SPOPL: variants seen among roughly 807,000 people sequenced by gnomAD.
The protein encoded by SPOPL is speckle-type POZ protein-like.
SPOPL carries 23 observed loss-of-function variants against 53.8 expected under a neutral mutation model. The observed-to-expected ratio is 0.43, with a 90% CI of 0.31 to 0.61. SPOPL has a LOEUF of 0.61. SPOPL is among the 20% of genes least tolerant of loss of function. SPOPL has a pLI of 0.12. For missense variants in SPOPL, 442 were observed against 466.9 expected, an observed-to-expected ratio of 0.95 and a Z score of 0.49; for synonymous variants, 164 against 149.7, an observed-to-expected ratio of 1.10 and a Z score of -0.70.
chr2:138,511,841 A>C (rs1281285406), intron 1 of SPOPL, among the ~76,000 whole-genome samples: 2 of 152,162 alleles, frequency 1.3e-5, no homozygotes, highest in African/African-American at 4.8e-5. Flanking sequence ...CAGGCATCAG[A>C]GCATAGAGAC....
intron 1 of SPOPL, among the ~76,000 whole-genome samples, chr2:138,503,308 C>T (rs568105362): frequency 6.6e-6 from 1 of 152,178 alleles, no homozygotes; most frequent in Non-Finnish European, 1.5e-5. Flanking sequence ...CCTCAGTATA[C>T]TTACAGCTGT....
intron 1 of SPOPL, among the ~76,000 whole-genome samples, chr2:138,545,913 T>A (rs139083932): frequency 0.011 from 1,658 of 152,328 alleles, 34 homozygotes; most frequent in African/African-American, 0.038. Context: ...TATAGTTTAG[T>A]GATTCATAGA....
chr2:138,509,751 A>G (rs1227839760), intron 1 of SPOPL, among the ~76,000 whole-genome samples: 1 of 152,108 alleles, frequency 6.6e-6, no homozygotes, highest in East Asian at 1.9e-4. Flanking sequence ...AAACTGATGA[A>G]TCTGCATTGA....
chr2:138,569,257 T>A lies in SPOPL; in HGVS notation c.*177T>A. On this transcript the variant is annotated 3_prime_UTR_variant, in exon 11 of 11. Transcript: ENST00000280098. ...TAATTTATGGTTTATTCTTCAGCTTTAAATTAGACTGATTAATTCACTTCA... is the reference window on the plus strand; with the variant it reads ...TAATTTATGGTTTATTCTTCAGCTTAAAATTAGACTGATTAATTCACTTCA... 3.1e-6 allele frequency: 2 copies of A among 645,794 alleles called. No individual in the cohort carries two copies. The highest frequency in any genetic ancestry group is 5.3e-6 in the Non-Finnish European group (2 of 379,764). 40.0% of individuals were successfully genotyped at this position (645,794 alleles called of 1,614,324 possible).
At chr2:138,529,540 G>GCA (rs1684760308) in intron 1 of SPOPL, among the ~76,000 whole-genome samples, 1 of 145,238 alleles carries the variant, frequency 6.9e-6, no homozygotes, top group Non-Finnish European at 1.5e-5. Flanking sequence ...GTGTGTTTGC[G>GCA]TGCGCGCGCG....
intron 1 of SPOPL, among the ~76,000 whole-genome samples, chr2:138,510,646 C>G (rs943465926): frequency 6.6e-6 from 1 of 152,166 alleles, no homozygotes; most frequent in African/African-American, 2.4e-5. Flanking sequence ...CTCTGTATCA[C>G]TTTATAATAC....
chr2:138,514,485 A>G (rs536834925), intron 1 of SPOPL, among the ~76,000 whole-genome samples: 3 of 152,168 alleles, frequency 2.0e-5, no homozygotes, highest in Non-Finnish European at 4.4e-5. Context: ...TGGGGTCCCA[A>G]GGGTTTTTTC....
At chr2:138,540,230 C>G (rs906607013) in intron 1 of SPOPL, among the ~76,000 whole-genome samples, 1 of 152,182 alleles carries the variant, frequency 6.6e-6, no homozygotes, top group Non-Finnish European at 1.5e-5. Flanking sequence ...GCAATGCAGG[C>G]TCTTTTTTGG....
intron 1 of SPOPL, among the ~76,000 whole-genome samples, chr2:138,534,310 AT>A (rs1424981223): frequency 2.0e-5 from 3 of 152,232 alleles, no homozygotes; most frequent in Non-Finnish European, 4.4e-5. Context: ...AATTTAAAAA[AT>A]CTAATAAAAC....
At chr2:138,533,680 A>G (rs191761079) in intron 1 of SPOPL, among the ~76,000 whole-genome samples, 139 of 152,234 alleles carry the variant, frequency 9.1e-4, no homozygotes, top group Non-Finnish European at 1.1e-3. Flanking sequence ...GTTGAACATT[A>G]TATGTTATAT....
chr2:138,537,380 A>G (rs1039128178), intron 1 of SPOPL, among the ~76,000 whole-genome samples: 1 of 152,126 alleles, frequency 6.6e-6, no homozygotes, highest in Non-Finnish European at 1.5e-5. Flanking sequence ...ATGCACCGGT[A>G]ATCAGAACGG....
chr2:138,565,037 T>G, intron 10 of SPOPL, 44 bp downstream of exon 10: 1 of 1,605,368 alleles, frequency 6.2e-7, no homozygotes, highest in Non-Finnish European at 8.5e-7. Flanking sequence ...TCTACATAAG[T>G]GAGATTAAGT....
chr2:138,561,493 G>T (rs1685548333), intron 8 of SPOPL, among the ~76,000 whole-genome samples: 1 of 152,076 alleles, frequency 6.6e-6, no homozygotes, highest in African/African-American at 2.4e-5. Context: ...GTTCACATAT[G>T]CATGTATGTA....
At chr2:138,527,955 G>A (rs987408699) in intron 1 of SPOPL, among the ~76,000 whole-genome samples, 7 of 152,188 alleles carry the variant, frequency 4.6e-5, no homozygotes, top group African/African-American at 1.4e-4. Context: ...AAAGTAAGGA[G>A]GGCTTTATTT....
chr2:138,556,364 A>G (rs1685423727), intron 5 of SPOPL, among the ~76,000 whole-genome samples: 1 of 152,204 alleles, frequency 6.6e-6, no homozygotes, highest in African/African-American at 2.4e-5. Context: ...TGAATTTAAG[A>G]GACAGTGAGT....
chr2:138,550,282 G>T lies in SPOPL; in HGVS notation c.66G>T (p.Trp22Cys). Residue 22 changes from tryptophan (W) to cysteine (C), a missense_variant, in exon 2 of 11, where the codon TGG (tryptophan) becomes TGT (cysteine). Trp to Cys is a radical substitution (Grantham distance 215). Coordinates refer to ENST00000280098, the MANE Select transcript of SPOPL (RefSeq NM_001001664.3). ...DMSTGPIAES[W>C]CYTQVKVVKF... ...CTACTGGTCCCATAGCAGAAAGCTG[G>T]TGTTACACACAGGTACATGCTCTTA... The T allele has an allele frequency of 3.1e-6, 5 of 1,613,574 alleles. No homozygotes were observed. Among genetic ancestry groups the T allele is most frequent in the Non-Finnish European group, 3.4e-6 (4 of 1,179,654 alleles).
At chr2:138,546,639 T>C (rs77992869) in intron 1 of SPOPL, among the ~76,000 whole-genome samples, 1,657 of 152,310 alleles carry the variant, frequency 0.011, 34 homozygotes, top group African/African-American at 0.038. Context: ...CCTGTTTAAG[T>C]TTTGTAAAAT....
chr2:138,544,316 G>A (rs1415740606), intron 1 of SPOPL, among the ~76,000 whole-genome samples: 6 of 152,184 alleles, frequency 3.9e-5, no homozygotes, highest in African/African-American at 9.7e-5. Flanking sequence ...GTTTGTCTTA[G>A]CCCTGCCCCC....
At chr2:138,524,677 A>C (rs1684631398) in intron 1 of SPOPL, among the ~76,000 whole-genome samples, 2 of 152,186 alleles carry the variant, frequency 1.3e-5, no homozygotes, top group South Asian at 4.1e-4. Context: ...ATCTCTAGGG[A>C]GGGGCAGAAT....
Sources: allele counts gnomAD v4.1 joint callset (sites outside exome capture counted in the v4.1 genomes callset), GRCh38; gene constraint gnomAD v4.1.1; transcripts MANE v1.5; gene names NCBI Gene and HGNC (gene_info 2026-07-23, HGNC 2026-07-21).